Variants in BNC1 observed in about 807,000 individuals in gnomAD.
BNC1 encodes zinc finger protein basonuclin-1.
In BNC1, 8 loss-of-function variants were observed where a neutral mutation model predicts 66.5. The observed-to-expected ratio is 0.12, with a 90% CI of 0.07 to 0.22. The LOEUF (loss-of-function observed/expected upper bound fraction) is 0.22, where lower values mean the gene tolerates loss of function less well. Among genes scored for constraint, BNC1 ranks in the 10% least tolerant of loss-of-function variants. The probability of loss-of-function intolerance (pLI) is 1.00; values close to 1 mark genes in which losing one functional copy is unlikely to be tolerated. For missense variants in BNC1, 1,069 were observed against 1,241.3 expected (o/e 0.86, Z 2.09); for synonymous variants, 454 against 452.6 (o/e 1.00, Z -0.04).
chr15:83,284,112 AAAG>A (rs1282114112), intron 1 of BNC1, among the ~76,000 whole-genome samples: 2 of 151,964 alleles, frequency 1.3e-5, no homozygotes, highest in South Asian at 2.1e-4. Flanking sequence ...AAAAAAAAAA[AAAG>A]AAGGGGTCGA....
intron 1 of BNC1, among the ~76,000 whole-genome samples, chr15:83,270,177 C>T (rs1480509415): frequency 6.6e-6 from 1 of 152,150 alleles, no homozygotes; most frequent in Non-Finnish European, 1.5e-5. Flanking sequence ...TATCGAGATA[C>T]AATTCACACA....
chr15:83,277,503 G>A (rs4843133), intron 1 of BNC1, among the ~76,000 whole-genome samples: 33,135 of 151,928 alleles, frequency 0.22, 4,165 homozygotes, highest in East Asian at 0.53. Flanking sequence ...TAGAGATGGG[G>A]TTTCACCATG....
chr15:83,258,909 A>G (rs1338286786), intron 4 of BNC1, among the ~76,000 whole-genome samples: 1 of 152,250 alleles, frequency 6.6e-6, no homozygotes, highest in Non-Finnish European at 1.5e-5. Context: ...TGAAGCTTGC[A>G]TCGTATTTCT....
chr15:83,284,498 A>G, intron 1 of BNC1, 32 bp downstream of exon 1: 1 of 1,187,156 alleles, frequency 8.4e-7, no homozygotes, highest in Non-Finnish European at 1.1e-6. Flanking sequence ...CGCACAGAGA[A>G]TCCCCGCGCC....
At chr15:83,270,853 G>T (rs953407660) in intron 1 of BNC1, among the ~76,000 whole-genome samples, 6 of 152,082 alleles carry the variant, frequency 3.9e-5, no homozygotes, top group Non-Finnish European at 7.4e-5. Context: ...TCTTTTTGAG[G>T]TGATGAAAAT....
At chr15:83,281,718 T>G (rs936318573) in intron 1 of BNC1, among the ~76,000 whole-genome samples, 1 of 152,214 alleles carries the variant, frequency 6.6e-6, no homozygotes, top group South Asian at 2.1e-4. Context: ...TACTGACAAA[T>G]TGAACTTTTA....
rs1201141195 is a variant in BNC1 at position 83,263,737 on chromosome 15, G to A, written c.1514C>T (p.Pro505Leu). ...PATPAEVANT[P>L]GILPSLPLLS... ...CAGCGGGAGGGAAGGGAGTATCCCA[G>A]GCGTGTTTGCTACCTCGGCAGGCGT... Residue 505 changes from proline to leucine, a missense_variant, in exon 4 of 5, where the codon CCT (proline) becomes CTT (leucine). Physicochemically the swap from Pro to Leu is moderately conservative, Grantham distance 98. Transcript: ENST00000345382. 3 of 1,614,236 alleles carry A rather than the reference G, an allele frequency of 1.9e-6. No individual in the cohort carries two copies. In the African/African-American group the frequency reaches 4.0e-5, roughly 22 times the overall value.
At chr15:83,278,939 A>C (rs1330308205) in intron 1 of BNC1, among the ~76,000 whole-genome samples, 1 of 152,206 alleles carries the variant, frequency 6.6e-6, no homozygotes, top group African/African-American at 2.4e-5. Flanking sequence ...CAACAAATAA[A>C]TTGCAAGGAA....
intron 4 of BNC1, among the ~76,000 whole-genome samples, chr15:83,261,078 T>C (rs546786131): frequency 6.6e-6 from 1 of 152,306 alleles, no homozygotes; most frequent in African/African-American, 2.4e-5. Flanking sequence ...TTGAATCCAA[T>C]ATGCCTTCCA....
In BNC1 at chr15:83,256,895, C is replaced by T. The variant is rs1265860968; in HGVS notation, c.*547G>A. 6.5e-6 allele frequency: 1 copy of T among 153,672 alleles called. No homozygotes were observed. The highest frequency in any genetic ancestry group is 2.4e-5 in the African/African-American group (1 of 41,468). 9.5% of individuals were successfully genotyped at this position (153,672 alleles called of 1,614,324 possible). On this transcript the variant is annotated 3_prime_UTR_variant, in exon 5 of 5. Coordinates refer to ENST00000345382, the MANE Select transcript of BNC1 (RefSeq NM_001717.4). ...CTCCCTGGGGTAACATATGAGACCT[C>T]TGGTGCAGGGCTGAGGGGAGGGACA...
intron 1 of BNC1, chr15:83,283,600 C>A: frequency 1.2e-6 from 1 of 813,658 alleles, no homozygotes; most frequent in Non-Finnish European, 1.5e-6. Context: ...AAGCGGCAGG[C>A]GCAGCCGCGG....
At chr15:83,266,235 G>A (rs2038216392) in intron 3 of BNC1, among the ~76,000 whole-genome samples, 2 of 134,580 alleles carry the variant, frequency 1.5e-5, no homozygotes, top group African/African-American at 2.7e-5. Context: ...ATATGAAGAT[G>A]CCAAAAGAAA....
Position 83,264,961 on chromosome 15 carries a change from C to T in BNC1, c.436-146G>A, listed in dbSNP as rs559088618. On this transcript the variant is annotated intron_variant, in intron 3 of 4. Transcript: ENST00000345382. ...GGCTTTGGGGAATTTAGTCCCTGCT[C>T]ACCCTACTCTCCCAGGCCAGAAGCT... is the stretch of plus-strand genomic sequence containing the variant. The T allele has an allele frequency of 3.9e-6, 3 of 767,418 alleles. No homozygotes were observed. In the East Asian group the frequency reaches 8.0e-5, roughly 21 times the overall value. 47.5% of individuals were successfully genotyped at this position (767,418 alleles called of 1,614,324 possible). A position where few individuals can be genotyped will look rare whatever the true frequency, so the allele number is the denominator to read the frequency against.
At position 83,257,994 on chromosome 15, in the gene BNC1, T is replaced by C; in HGVS notation, c.2433A>G (p.Thr811=). 6.2e-7 allele frequency: 1 copy of C among 1,614,198 alleles called. No individual in the cohort carries two copies. The highest frequency in any genetic ancestry group is 8.5e-7 in the Non-Finnish European group (1 of 1,180,008). ...TGACAGATGTCTGGGAGGCTTGCTG[T>C]GTAAAAGCCACATCCTGATAGGCTT... ...AKEAYQDVAF[T]QQASQTSVIF... is the part of the protein sequence containing the mutation. The change falls in exon 5 of 5, where the codon ACA becomes ACG. Residue 811 remains threonine, a synonymous_variant. Coordinates refer to ENST00000345382, the MANE Select transcript of BNC1 (RefSeq NM_001717.4).
chr15:83,258,727 T>C (rs2038111209), intron 4 of BNC1, among the ~76,000 whole-genome samples: 1 of 152,214 alleles, frequency 6.6e-6, no homozygotes, highest in South Asian at 2.1e-4. Context: ...CATTACCTTC[T>C]GGGGCTGCAC....
intron 1 of BNC1, among the ~76,000 whole-genome samples, chr15:83,280,648 T>C (rs1041109445): frequency 1.4e-4 from 22 of 152,298 alleles, no homozygotes; most frequent in African/African-American, 4.3e-4. Flanking sequence ...GTTGACAGTA[T>C]AAAAATTTTA....
intron 1 of BNC1, among the ~76,000 whole-genome samples, chr15:83,277,067 C>T (rs577482864): frequency 1.3e-5 from 2 of 152,180 alleles, no homozygotes; most frequent in Non-Finnish European, 2.9e-5. Context: ...ACCAAGTTTA[C>T]AATAAAAATG....
At chr15:83,282,503 A>G (rs939665985) in intron 1 of BNC1, among the ~76,000 whole-genome samples, 8 of 152,244 alleles carry the variant, frequency 5.3e-5, no homozygotes, top group Non-Finnish European at 1.0e-4. Flanking sequence ...ATGTTCTTTT[A>G]TATGATGTAC....
At chr15:83,284,477 C>A in intron 1 of BNC1, 53 bp downstream of exon 1, 2 of 1,116,918 alleles carry the variant, frequency 1.8e-6, no homozygotes, top group Non-Finnish European at 2.2e-6. Flanking sequence ...CGTCCCGGGC[C>A]GCCTGCTCCG....
Sources: gnomAD v4.1 joint callset for allele counts (sites outside exome capture counted in the v4.1 genomes callset) on GRCh38, gnomAD v4.1.1 for gene constraint, MANE v1.5 for transcripts, NCBI Gene and HGNC (gene_info 2026-07-23, HGNC 2026-07-21) for gene names.